Variants in FMNL2 observed in about 807,000 individuals in gnomAD.
FMNL2 encodes the protein formin like 2.
FMNL2 carries 51 observed loss-of-function variants against 130.2 expected under a neutral mutation model. The observed-to-expected ratio is 0.39, with a 90% CI of 0.31 to 0.49. The LOEUF (loss-of-function observed/expected upper bound fraction) is 0.49, where lower values mean the gene tolerates loss of function less well. Among genes scored for constraint, FMNL2 ranks in the 20% least tolerant of loss-of-function variants. FMNL2 has a pLI of 0.85. For missense variants in FMNL2, 977 were observed against 1,316.2 expected, an observed-to-expected ratio of 0.74 and a Z score of 3.99; for synonymous variants, 465 against 467.1, an observed-to-expected ratio of 1.00 and a Z score of 0.06.
At chr2:152,572,809 T>A (rs1357131542) in intron 6 of FMNL2, among the ~76,000 whole-genome samples, 1 of 150,520 alleles carries the variant, frequency 6.6e-6, no homozygotes, top group African/African-American at 2.5e-5. Flanking sequence ...TTTTTTTTTT[T>A]AAAGTAGTCA....
intron 1 of FMNL2, among the ~76,000 whole-genome samples, chr2:152,371,584 G>T (rs1985975): frequency 6.7e-6 from 1 of 149,342 alleles, no homozygotes; most frequent in Non-Finnish European, 1.5e-5. Flanking sequence ...CAGGAGAATC[G>T]CTTGAACCTG....
At chr2:152,422,057 C>T (rs1686951410) in intron 1 of FMNL2, among the ~76,000 whole-genome samples, 1 of 152,176 alleles carries the variant, frequency 6.6e-6, no homozygotes, top group South Asian at 2.1e-4. Flanking sequence ...TTGAAATCAT[C>T]TAATCACCTT....
In FMNL2 at chr2:152,649,377, GTTTT is replaced by G. The variant is rs570392772; in HGVS notation, c.*1477_*1480del. 6.6e-6 allele frequency: 1 copy of G among 152,036 alleles called. No homozygotes were observed. The highest frequency in any genetic ancestry group is 1.5e-5 in the Non-Finnish European group (1 of 67,922). 9.4% of individuals were successfully genotyped at this position (152,036 alleles called of 1,614,324 possible). A position where few individuals can be genotyped will look rare whatever the true frequency, so the allele number is the denominator to read the frequency against. On this transcript the variant is annotated 3_prime_UTR_variant, in exon 26 of 26. Coordinates refer to ENST00000288670, the MANE Select transcript of FMNL2 (RefSeq NM_052905.4). ...AATCTGAATGTTATTTTAACTTATA[GTTTT>G]TTTTAATATATATATTTAACTATAA...
chr2:152,626,856 T>C, intron 17 of FMNL2, 129 bp downstream of exon 17: 1 of 954,920 alleles, frequency 1.0e-6, no homozygotes, highest in Non-Finnish European at 1.5e-6. Flanking sequence ...CAATTTTTGA[T>C]ATCCACACTT....
At chr2:152,347,364 A>G (rs1278275306) in intron 1 of FMNL2, among the ~76,000 whole-genome samples, 1 of 152,188 alleles carries the variant, frequency 6.6e-6, no homozygotes, top group East Asian at 1.9e-4. Context: ...TCCTAGTCCA[A>G]GTAGGCCTGA....
At chr2:152,461,264 C>T (rs746849162) in intron 1 of FMNL2, among the ~76,000 whole-genome samples, 5 of 152,042 alleles carry the variant, frequency 3.3e-5, no homozygotes, top group East Asian at 1.9e-4. Flanking sequence ...GAACAGATTT[C>T]GGAATTATTT....
intron 1 of FMNL2, among the ~76,000 whole-genome samples, chr2:152,492,275 G>A (rs1037054736): frequency 4.6e-5 from 7 of 152,026 alleles, no homozygotes; most frequent in Admixed American, 1.3e-4. Context: ...ATCTCCAAAA[G>A]CAACTGGAAT....
At chr2:152,559,644 G>A (rs1695416015) in intron 5 of FMNL2, among the ~76,000 whole-genome samples, 1 of 152,170 alleles carries the variant, frequency 6.6e-6, no homozygotes, top group African/African-American at 2.4e-5. Context: ...TTTTTCTGCT[G>A]TGTGAGAGTG....
rs1197409882 is a variant in FMNL2 at position 152,614,863 on chromosome 2, A to G, written c.1075A>G (p.Thr359Ala). Residue 359 changes from threonine to alanine, a missense_variant, in exon 12 of 26, where the codon ACT (threonine) becomes GCT (alanine). Physicochemically the swap from Thr to Ala is moderately conservative, Grantham distance 58. This residue lies in a region of FMNL2 where 689 missense variants were observed against 995.9 expected (regional missense o/e 0.69). Coordinates refer to ENST00000288670, the MANE Select transcript of FMNL2 (RefSeq NM_052905.4). ...LDEYLDKLKH[T>A]ESDKLQVQIQ... Reference sequence around the variant, plus strand: ...TTCTGGTTTTTAGAAGCTGAAACACACTGAGAGTGACAAGCTTCAAGTCCA... The same window carrying G: ...TTCTGGTTTTTAGAAGCTGAAACACGCTGAGAGTGACAAGCTTCAAGTCCA... The G allele has an allele frequency of 6.2e-7, 1 of 1,611,544 alleles. No homozygotes were observed. The highest frequency in any genetic ancestry group is 1.7e-5 in the Admixed American group (1 of 59,054).
chr2:152,572,606 C>A (rs1341396546), intron 6 of FMNL2, among the ~76,000 whole-genome samples: 1 of 147,524 alleles, frequency 6.8e-6, no homozygotes, highest in Non-Finnish European at 1.5e-5. Flanking sequence ...GGCAACAGAG[C>A]AAGACCCTGT....
chr2:152,646,986 T>C (rs773375309), intron 25 of FMNL2, among the ~76,000 whole-genome samples: 1 of 152,178 alleles, frequency 6.6e-6, no homozygotes, highest in African/African-American at 2.4e-5. Context: ...TTTGGACTGG[T>C]ATGCAGTGAT....
intron 1 of FMNL2, 134 bp downstream of exon 1, chr2:152,335,854 C>T: frequency 3.5e-6 from 2 of 574,620 alleles, no homozygotes; most frequent in Non-Finnish European, 5.8e-6. Context: ...CCGCTTTCCC[C>T]TTTGTGGCCC....
chr2:152,518,336 T>C (rs1692892099), intron 1 of FMNL2, among the ~76,000 whole-genome samples: 1 of 152,218 alleles, frequency 6.6e-6, no homozygotes, highest in Admixed American at 6.5e-5. Context: ...TTTTAGATGC[T>C]TGGTGAATGA....
intron 1 of FMNL2, among the ~76,000 whole-genome samples, chr2:152,430,172 C>A (rs1391040002): frequency 6.6e-6 from 1 of 152,222 alleles, no homozygotes; most frequent in Non-Finnish European, 1.5e-5. Flanking sequence ...TATCCCTTCA[C>A]TTGCAAAATA....
chr2:152,484,119 T>C (rs147698870), intron 1 of FMNL2, among the ~76,000 whole-genome samples: 21 of 152,328 alleles, frequency 1.4e-4, no homozygotes, highest in African/African-American at 4.6e-4. Flanking sequence ...CTGATCCCTT[T>C]GCATATCGTT....
At chr2:152,426,478 A>ATTGTTTGTATGTATAGTTC (rs1475720625) in intron 1 of FMNL2, among the ~76,000 whole-genome samples, 6 of 152,226 alleles carry the variant, frequency 3.9e-5, no homozygotes, top group Non-Finnish European at 8.8e-5. Flanking sequence ...TGCCTCAAGC[A>ATTGTTTGTATGTATAGTTC]TTGTTTGTAT....
intron 2 of FMNL2, among the ~76,000 whole-genome samples, chr2:152,531,244 T>G (rs763978313): frequency 1.3e-5 from 2 of 152,168 alleles, no homozygotes; most frequent in South Asian, 4.1e-4. Flanking sequence ...GCTTATATAT[T>G]TTTGTCCTCA....
intron 1 of FMNL2, among the ~76,000 whole-genome samples, chr2:152,369,658 A>C (rs1192531348): frequency 6.6e-6 from 1 of 152,174 alleles, no homozygotes; most frequent in Admixed American, 6.5e-5. Flanking sequence ...GGACATGTAC[A>C]TAGTTAACAG....
intron 1 of FMNL2, among the ~76,000 whole-genome samples, chr2:152,398,199 G>A (rs1685503097): frequency 6.6e-6 from 1 of 152,174 alleles, no homozygotes; most frequent in Non-Finnish European, 1.5e-5. Flanking sequence ...ATTATTCCTT[G>A]TTGTATCCCC....
Sources: allele counts gnomAD v4.1 joint callset (sites outside exome capture counted in the v4.1 genomes callset), GRCh38; gene constraint gnomAD v4.1.1; regional missense constraint gnomAD v4.1.1; transcripts MANE v1.5; gene names NCBI Gene and HGNC (gene_info 2026-07-23, HGNC 2026-07-21).